The following PRDM2 variants were observed in gnomAD, a reference collection of about 807,000 sequenced individuals.
The protein encoded by PRDM2 is PR domain zinc finger protein 2.
Under a neutral mutation model 130.0 loss-of-function variants are expected in PRDM2, and 30 were observed. The ratio of observed to expected loss-of-function variants is 0.23; its 90% CI spans 0.17 to 0.31. The LOEUF is 0.31. Among genes scored for constraint, PRDM2 ranks in the 10% least tolerant of loss-of-function variants. The probability of loss-of-function intolerance (pLI) is 1.00; values close to 1 mark genes in which losing one functional copy is unlikely to be tolerated. For missense variants in PRDM2, 2,011 were observed against 2,108.4 expected, an observed-to-expected ratio of 0.95 and a Z score of 0.90; for synonymous variants, 871 against 782.4, an observed-to-expected ratio of 1.11 and a Z score of -1.89.
At position 13,732,887 on chromosome 1, in the gene PRDM2, G is replaced by C. The variant is rs1643153243; in HGVS notation, c.231+5G>C. ...AATAATGTATACATGTGGGAGGTAA[G>C]AAGTAATTCTGATTCTTTGTTTTTC... On this transcript the variant is annotated splice_donor_5th_base_variant and intron_variant, in intron 4 of 9. Transcript: ENST00000311066. 1 of 1,506,986 alleles carries C rather than the reference G, an allele frequency of 6.6e-7. No homozygotes were observed. The highest frequency in any genetic ancestry group is 9.1e-7 in the Non-Finnish European group (1 of 1,102,828). 93.4% of individuals were successfully genotyped at this position (1,506,986 alleles called of 1,614,324 possible).
At chr1:13,757,685 G>C (rs1643990540) in intron 6 of PRDM2, among the ~76,000 whole-genome samples, 1 of 151,310 alleles carries the variant, frequency 6.6e-6, no homozygotes, top group African/African-American at 2.4e-5. Context: ...ATATAATTGA[G>C]TTACATCATG....
At chr1:13,742,852 C>T (rs186855030) in intron 5 of PRDM2, among the ~76,000 whole-genome samples, 8 of 146,896 alleles carry the variant, frequency 5.4e-5, no homozygotes, top group African/African-American at 1.9e-4. Context: ...ATTAATGCAG[C>T]CTTGGATTAG....
intron 8 of PRDM2, chr1:13,783,137 A>T (rs1029253497): frequency 7.1e-6 from 4 of 566,982 alleles, no homozygotes; most frequent in Non-Finnish European, 1.3e-5. Context: ...ATCCTCTCAA[A>T]CTTCCTTTAT....
At chr1:13,788,692 TTAG>T (rs1203952147) in intron 8 of PRDM2, among the ~76,000 whole-genome samples, 5 of 152,164 alleles carry the variant, frequency 3.3e-5, no homozygotes, top group Admixed American at 1.3e-4. Flanking sequence ...GTCTTCGATA[TTAG>T]TAGTTTTAAA....
chr1:13,709,512 G>C (rs1642305058), intron 1 of PRDM2, among the ~76,000 whole-genome samples: 1 of 152,176 alleles, frequency 6.6e-6, no homozygotes, highest in Non-Finnish European at 1.5e-5. Flanking sequence ...TTTGGTCAGA[G>C]TAAGGTCAGT....
chr1:13,738,097 AAGTG>A (rs1366433281), intron 4 of PRDM2, among the ~76,000 whole-genome samples: 1 of 152,202 alleles, frequency 6.6e-6, no homozygotes, highest in East Asian at 1.9e-4. Flanking sequence ...TTTGGTAAAA[AAGTG>A]TTTCAGTGAA....
In PRDM2 at chr1:13,823,707, A is replaced by G; in HGVS notation, c.*572A>G. 1 of 153,922 alleles carries G rather than the reference A, an allele frequency of 6.5e-6. No individual in the cohort carries two copies. Among genetic ancestry groups the G allele is most frequent in the East Asian group, 1.9e-4 (1 of 5,242 alleles). 9.5% of individuals were successfully genotyped at this position (153,922 alleles called of 1,614,324 possible). Reference sequence around the variant, plus strand: ...TGAACATGCCCCTCGGCCCCAGCACATGGAAAACCCCCTTCCTTGCCTAAG... The same window carrying G: ...TGAACATGCCCCTCGGCCCCAGCACGTGGAAAACCCCCTTCCTTGCCTAAG... On this transcript the variant is annotated 3_prime_UTR_variant, in exon 10 of 10. Transcript: ENST00000311066.
chr1:13,778,772 C>T lies in PRDM2; in HGVS notation c.977C>T (p.Thr326Ile). The change falls in exon 8 of 10, where the codon ACT (threonine) becomes ATT (isoleucine). Residue 326 changes from threonine (T) to isoleucine (I), a missense_variant. By Grantham distance (89) the Thr-to-Ile change is moderately conservative. This residue lies in a region of PRDM2 where 1,288 missense variants were observed against 1,237.7 expected (regional missense o/e 1.04). Coordinates refer to ENST00000311066, the MANE Select transcript of PRDM2 (RefSeq NM_001393986.1). ...PEDLLEEPKT[T>I]SEETLEDCSE... ...GATTTATTAGAGGAACCAAAAACAA[C>T]TTCAGAAGAAACTCTTGAAGACTGC... is the stretch of plus-strand genomic sequence containing the variant. 4 of 1,614,090 alleles carry T rather than the reference C, an allele frequency of 2.5e-6. No individual in the cohort carries two copies. The highest frequency in any genetic ancestry group is 3.4e-6 in the Non-Finnish European group (4 of 1,180,040).
chr1:13,780,596 C>T lies in PRDM2; in HGVS notation c.2801C>T (p.Pro934Leu). 1.2e-6 allele frequency: 2 copies of T among 1,614,110 alleles called. No individual in the cohort carries two copies. The highest frequency in any genetic ancestry group is 1.7e-6 in the Non-Finnish European group (2 of 1,180,020). The change falls in exon 8 of 10, where the codon CCT (proline) becomes CTT (leucine). Residue 934 changes from proline (P) to leucine (L), a missense_variant. Coordinates refer to ENST00000311066, the MANE Select transcript of PRDM2 (RefSeq NM_001393986.1). The stretch of plus-strand genomic sequence containing the variant: ...GACCTCGGTCCGGGCTCTGGTTTCC[C>T]TGCCCCTACTGTTGAGTCCACACCT... ...DPDLGPGSGF[P>L]APTVESTPDV...
intron 2 of PRDM2, among the ~76,000 whole-genome samples, chr1:13,728,125 T>C (rs2100460157): frequency 6.6e-6 from 1 of 152,344 alleles, no homozygotes; most frequent in East Asian, 1.9e-4. Context: ...CTCTTTCATT[T>C]ATTTCTATCC....
intron 6 of PRDM2, among the ~76,000 whole-genome samples, chr1:13,762,764 G>A (rs1042983668): frequency 2.6e-5 from 4 of 152,190 alleles, no homozygotes; most frequent in Admixed American, 6.5e-5. Context: ...CACAGCGCGC[G>A]CTCCTCAGGC....
chr1:13,756,104 T>C (rs940853057), intron 6 of PRDM2, among the ~76,000 whole-genome samples: 1 of 137,342 alleles, frequency 7.3e-6, no homozygotes, highest in Non-Finnish European at 1.6e-5. Context: ...AAAAAAAAAA[T>C]ACAAAAAAAT....
In PRDM2 at chr1:13,824,413, T is replaced by C. The variant is rs1315115885; in HGVS notation, c.*1278T>C. The C allele has an allele frequency of 2.6e-5, 4 of 152,524 alleles. No individual in the cohort carries two copies. The highest frequency in any genetic ancestry group is 2.6e-4 in the Admixed American group (4 of 15,308). The allele number at this position is 152,524 out of a possible 1,614,324, so 9.4% of individuals were successfully genotyped here. A position where few individuals can be genotyped will look rare whatever the true frequency, so the allele number is the denominator to read the frequency against. Reference sequence around the variant, plus strand: ...GTATGTAGACACTTTTAAAAGCACGTATTTATGTCCCTGACTGTAAATGCT... The same window carrying C: ...GTATGTAGACACTTTTAAAAGCACGCATTTATGTCCCTGACTGTAAATGCT... On this transcript the variant is annotated 3_prime_UTR_variant, in exon 10 of 10. Transcript: ENST00000311066.
chr1:13,763,390 T>C (rs1318559047), intron 6 of PRDM2, among the ~76,000 whole-genome samples: 5 of 152,228 alleles, frequency 3.3e-5, no homozygotes, highest in African/African-American at 1.2e-4. Context: ...ATTTGAATGC[T>C]AAGCATTTTT....
chr1:13,745,632 T>TCA (rs1557614448), intron 5 of PRDM2, among the ~76,000 whole-genome samples: 3 of 152,074 alleles, frequency 2.0e-5, no homozygotes, highest in Non-Finnish European at 4.4e-5. Context: ...ACCATATTGG[T>TCA]CAGGTGGTCT....
intron 8 of PRDM2, among the ~76,000 whole-genome samples, chr1:13,802,110 C>G (rs557646230): frequency 1.3e-5 from 2 of 152,336 alleles, no homozygotes; most frequent in Admixed American, 6.5e-5. Flanking sequence ...CAAGAGCAGA[C>G]TTTACTATTC....
At position 13,723,787 on chromosome 1, in the gene PRDM2, T is replaced by C. The variant is rs574032249; in HGVS notation, c.10-7213T>C. ...TGGGGCTGTACTGCTCTTACAGCCA[T>C]CTCTCTGTGCCCAGACCTCTGGGCA... On this transcript the variant is annotated intron_variant, in intron 2 of 9. Transcript: ENST00000311066. 2.0e-5 allele frequency among the ~76,000 whole-genome samples: 3 copies of C among 152,058 alleles called. No homozygotes were observed. The East Asian group carries it at 5.8e-4, about 29-fold the overall frequency.
intron 4 of PRDM2, among the ~76,000 whole-genome samples, chr1:13,740,946 A>C (rs1252387473): frequency 6.6e-6 from 1 of 152,200 alleles, no homozygotes; most frequent in Non-Finnish European, 1.5e-5. Context: ...TGGGTACGGG[A>C]GGGAAGAAGG....
chr1:13,742,498 G>T (rs757788108), intron 5 of PRDM2, among the ~76,000 whole-genome samples: 4 of 152,284 alleles, frequency 2.6e-5, no homozygotes, highest in Admixed American at 6.5e-5. Flanking sequence ...CACAATGCCT[G>T]GGCCTGCTTA....
Sources: gnomAD v4.1 joint callset for allele counts (sites outside exome capture counted in the v4.1 genomes callset) on GRCh38, gnomAD v4.1.1 for gene constraint, gnomAD v4.1.1 regional missense constraint, MANE v1.5 for transcripts, NCBI Gene and HGNC (gene_info 2026-07-23, HGNC 2026-07-21) for gene names.